The following ANKRD28 variants were observed in gnomAD, a reference collection of about 807,000 sequenced individuals.
ANKRD28 encodes the protein serine/threonine-protein phosphatase 6 regulatory ankyrin repeat subunit A.
ANKRD28 carries 44 observed loss-of-function variants against 126.5 expected under a neutral mutation model. The observed-to-expected ratio is 0.35, with a 90% CI of 0.27 to 0.45. The LOEUF is 0.45. Ranked by LOEUF, ANKRD28 falls within the 20% of genes least tolerant of loss-of-function variation. The pLI, the probability that ANKRD28 is intolerant of heterozygous loss-of-function variation, is 1.00. For missense variants in ANKRD28, 1,110 were observed against 1,316.6 expected, an observed-to-expected ratio of 0.84 and a Z score of 2.43; for synonymous variants, 442 against 468.5, an observed-to-expected ratio of 0.94 and a Z score of 0.73.
At position 15,669,913 on chromosome 3, in the gene ANKRD28, A is replaced by C. The variant is rs958035245; in HGVS notation, c.*357T>G. 5.8e-6 allele frequency: 1 copy of C among 171,512 alleles called. No individual in the cohort carries two copies. Among genetic ancestry groups the C allele is most frequent in the Non-Finnish European group, 1.2e-5 (1 of 80,026 alleles). The allele number at this position is 171,512 out of a possible 1,614,324, so 10.6% of individuals were successfully genotyped here. On this transcript the variant is annotated 3_prime_UTR_variant, in exon 28 of 28. Coordinates refer to ENST00000683139, the MANE Select transcript of ANKRD28 (RefSeq NM_001349278.2). ...AAATTTAGTTGTAATTTTATTGATA[A>C]AATTTAAATCTAGTGTCTTTATTTC... is the stretch of plus-strand genomic sequence containing the variant.
intron 3 of ANKRD28, among the ~76,000 whole-genome samples, chr3:15,756,971 G>A (rs1337867223): frequency 2.0e-5 from 3 of 152,108 alleles, no homozygotes; most frequent in Non-Finnish European, 2.9e-5. Context: ...CAAACTGCAT[G>A]AGTCCACTTA....
chr3:15,703,196 A>G (rs2070870766), intron 14 of ANKRD28, among the ~76,000 whole-genome samples: 1 of 152,250 alleles, frequency 6.6e-6, no homozygotes, highest in African/African-American at 2.4e-5. Context: ...TATCAGATAC[A>G]TAGGAATAAA....
chr3:15,851,865 G>T (rs186973142), intron 1 of ANKRD28, among the ~76,000 whole-genome samples: 9 of 152,248 alleles, frequency 5.9e-5, no homozygotes, highest in Middle Eastern at 3.4e-3. Context: ...ACCAAAAAAT[G>T]TAAACACAAA....
At chr3:15,712,309 T>A (rs2072415538) in intron 10 of ANKRD28, 87 bp from the exon 11 acceptor site, 4 of 1,128,192 alleles carry the variant, frequency 3.5e-6, no homozygotes, top group Non-Finnish European at 5.1e-6. Flanking sequence ...ACCACTTAAG[T>A]GAAAGATAAC....
In ANKRD28 at chr3:15,822,479, A is replaced by C. The variant is rs138580640; in HGVS notation, c.28-27173T>G. On this transcript the variant is annotated intron_variant, in intron 1 of 27. Coordinates refer to the ANKRD28 transcript ENST00000399451. ...CAAGCAGCAATAACAATCCCCAGGG[A>C]GGGGGAAACATTGGCTCTCCAGCTA... Among the ~76,000 whole-genome samples the C allele has an allele frequency of 5.6e-3, 852 of 152,334 alleles. 6 individuals are homozygous for C. Among genetic ancestry groups the C allele is most frequent in the African/African-American group, 0.02 (812 of 41,570 alleles).
intron 21 of ANKRD28, chr3:15,684,805 C>G (rs535340332): frequency 6.1e-6 from 1 of 163,682 alleles, no homozygotes; most frequent in African/African-American, 2.4e-5. Flanking sequence ...CCTAAAAATG[C>G]AAAATATTTG....
chr3:15,748,252 C>T (rs1024005779), intron 4 of ANKRD28, among the ~76,000 whole-genome samples: 4 of 152,006 alleles, frequency 2.6e-5, no homozygotes, highest in African/African-American at 4.8e-5. Context: ...GCCTGAATAC[C>T]TTTTTTTAAA....
chr3:15,789,038 C>T (rs1290649635), intron 2 of ANKRD28, among the ~76,000 whole-genome samples: 1 of 152,160 alleles, frequency 6.6e-6, no homozygotes, highest in African/African-American at 2.4e-5. Flanking sequence ...CTATGTACCA[C>T]TCTGCTTTTA....
At chr3:15,719,305 T>C (rs1184640498) in intron 8 of ANKRD28, among the ~76,000 whole-genome samples, 1 of 152,216 alleles carries the variant, frequency 6.6e-6, no homozygotes, top group African/African-American at 2.4e-5. Context: ...TCTCATGTAA[T>C]CAAAATGCTC....
chr3:15,856,357 G>A (rs2061766261), intron 1 of ANKRD28, among the ~76,000 whole-genome samples: 3 of 152,156 alleles, frequency 2.0e-5, no homozygotes, highest in Non-Finnish European at 4.4e-5. Flanking sequence ...TAGCTTACTG[G>A]TTGTGAGTCT....
intron 14 of ANKRD28, among the ~76,000 whole-genome samples, chr3:15,707,408 C>T (rs909843507): frequency 1.3e-5 from 2 of 152,162 alleles, no homozygotes; most frequent in African/African-American, 4.8e-5. Context: ...ATCTAATTTA[C>T]CTATTTAAGC....
rs1559551643 is a variant in ANKRD28 at position 15,797,715 on chromosome 3, G to C, written c.-1194C>G. ...AGCCAACTACTTTATTCAGTCATCT[G>C]CCTCTTTGCCAATATAGTTTCCTTC... On this transcript the variant is annotated 5_prime_UTR_variant, in exon 1 of 28. Transcript: ENST00000683139. The C allele has an allele frequency of 2.0e-6, 2 of 985,228 alleles. No individual in the cohort carries two copies. The highest frequency in any genetic ancestry group is 3.5e-5 in the African/African-American group (2 of 57,202). 61.0% of individuals were successfully genotyped at this position (985,228 alleles called of 1,614,324 possible). A position where few individuals can be genotyped will look rare whatever the true frequency, so the allele number is the denominator to read the frequency against.
intron 3 of ANKRD28, among the ~76,000 whole-genome samples, chr3:15,760,495 G>C (rs113712682): frequency 2.6e-5 from 4 of 152,154 alleles, no homozygotes; most frequent in African/African-American, 9.7e-5. Flanking sequence ...TCGAAGATAC[G>C]TAAGAATCTG....
chr3:15,767,491 T>A (rs1397045302), intron 2 of ANKRD28, among the ~76,000 whole-genome samples: 1 of 151,964 alleles, frequency 6.6e-6, no homozygotes, highest in Non-Finnish European at 1.5e-5. Context: ...CTTGAAGTTG[T>A]TGCTTGGTGT....
chr3:15,749,095 G>GTTTTTTTTTTTTTTTTTTT lies in ANKRD28; in HGVS notation c.351+2654_351+2655insAAAAAAAAAAAAAAAAAAA, dbSNP rs1357402514. ...ATTTTCCTTTCATATTCTATATTATGTTTTTGTTTTTTTTTTTTTTTTTTT... is the reference window on the plus strand; with the variant it reads ...ATTTTCCTTTCATATTCTATATTATGTTTTTTTTTTTTTTTTTTTTTTTTGTTTTTTTTTTTTTTTTTTT... On this transcript the variant is annotated intron_variant, in intron 4 of 27. Transcript: ENST00000683139. 4.7e-5 allele frequency among the ~76,000 whole-genome samples: 5 copies of GTTTTTTTTTTTTTTTTTTT among 106,998 alleles called. 2 individuals are homozygous for GTTTTTTTTTTTTTTTTTTT. The highest frequency in any genetic ancestry group is 7.0e-5 in the Non-Finnish European group (4 of 56,954). 70.2% of individuals were successfully genotyped at this position (106,998 alleles called of 152,430 possible).
intron 1 of ANKRD28, among the ~76,000 whole-genome samples, chr3:15,828,557 T>C (rs74604951): frequency 0.025 from 3,768 of 151,458 alleles, 163 homozygotes; most frequent in African/African-American, 0.085. Flanking sequence ...CCCTTTGTAT[T>C]TTCAGTAGAG....
chr3:15,685,490 C>T (rs2068004786), intron 20 of ANKRD28, 45 bp from the exon 21 acceptor site: 1 of 1,566,692 alleles, frequency 6.4e-7, no homozygotes, highest in Non-Finnish European at 8.8e-7. Flanking sequence ...TTATGCTAAA[C>T]ATTACATGCC....
chr3:15,793,654 G>A (rs1165006747), intron 2 of ANKRD28, among the ~76,000 whole-genome samples: 1 of 152,176 alleles, frequency 6.6e-6, no homozygotes, highest in Admixed American at 6.5e-5. Context: ...AACCTTAGGA[G>A]TTAAATGGAA....
intron 1 of ANKRD28, among the ~76,000 whole-genome samples, chr3:15,837,817 AAAG>A (rs2061354831): frequency 6.6e-6 from 1 of 152,116 alleles, no homozygotes; most frequent in South Asian, 2.1e-4. Flanking sequence ...GAAAAAAGAA[AAAG>A]AAGAAAATGA....
Sources: gnomAD v4.1 joint callset for allele counts (sites outside exome capture counted in the v4.1 genomes callset) on GRCh38, gnomAD v4.1.1 for gene constraint, MANE v1.5 for transcripts, NCBI Gene and HGNC (gene_info 2026-07-23, HGNC 2026-07-21) for gene names.